The following MB21D2 variants were observed in gnomAD, a reference collection of about 807,000 sequenced individuals.
MB21D2 encodes Mab-21 domain containing 2.
In MB21D2, 9 loss-of-function variants were observed where a neutral mutation model predicts 33.3. That is an observed-to-expected ratio of 0.27 (90% CI 0.16 to 0.47). The LOEUF is 0.47. Among genes scored for constraint, MB21D2 ranks in the 20% least tolerant of loss-of-function variants. The probability of loss-of-function intolerance (pLI) is 0.99; values close to 1 mark genes in which losing one functional copy is unlikely to be tolerated. For synonymous variants in MB21D2, 241 were observed against 236.3 expected (o/e 1.02, Z -0.18); for missense variants, 540 against 624.6 (o/e 0.86, Z 1.44).
intron 1 of MB21D2, among the ~76,000 whole-genome samples, chr3:192,800,739 T>C (rs2108608086): frequency 6.6e-6 from 1 of 152,342 alleles, no homozygotes. Flanking sequence ...AGTTGTGAGC[T>C]GAACTAGCCT....
At chr3:192,800,535 A>T (rs562718387) in intron 1 of MB21D2, among the ~76,000 whole-genome samples, 339 of 152,218 alleles carry the variant, frequency 2.2e-3, no homozygotes, top group South Asian at 4.6e-3. Context: ...ATTTTTTTTT[A>T]AAAAACCCAG....
intron 1 of MB21D2, among the ~76,000 whole-genome samples, chr3:192,904,773 G>C (rs373911003): frequency 6.5e-4 from 99 of 152,346 alleles, no homozygotes; most frequent in African/African-American, 2.3e-3. Flanking sequence ...GATGAGAGGT[G>C]ATCTCCATTT....
chr3:192,839,065 T>G (rs1386356600), intron 1 of MB21D2, among the ~76,000 whole-genome samples: 1 of 152,208 alleles, frequency 6.6e-6, no homozygotes, highest in Admixed American at 6.5e-5. Context: ...TGAAAATTAC[T>G]TATGACTTCA....
intron 1 of MB21D2, among the ~76,000 whole-genome samples, chr3:192,830,183 T>C (rs930921298): frequency 1.3e-5 from 2 of 152,132 alleles, no homozygotes; most frequent in Non-Finnish European, 2.9e-5. Context: ...AAATATATTA[T>C]GAACATAGAG....
intron 1 of MB21D2, among the ~76,000 whole-genome samples, chr3:192,857,635 G>T (rs1465540996): frequency 6.6e-6 from 1 of 151,826 alleles, no homozygotes; most frequent in South Asian, 2.1e-4. Flanking sequence ...CAAAAATTAG[G>T]CTAAAGAGAA....
chr3:192,819,699 A>G (rs1349559620), intron 1 of MB21D2, among the ~76,000 whole-genome samples: 2 of 152,202 alleles, frequency 1.3e-5, no homozygotes, highest in Non-Finnish European at 2.9e-5. Flanking sequence ...AAGATCTTCT[A>G]TGCAGACCAC....
chr3:192,848,558 T>C (rs1712719533), intron 1 of MB21D2, among the ~76,000 whole-genome samples: 1 of 152,206 alleles, frequency 6.6e-6, no homozygotes, highest in Non-Finnish European at 1.5e-5. Flanking sequence ...CAAAGATAAA[T>C]TGGGATTGTA....
chr3:192,832,382 A>G (rs1712333581), intron 1 of MB21D2, among the ~76,000 whole-genome samples: 2 of 152,256 alleles, frequency 1.3e-5, no homozygotes. Context: ...AGGCCAATGC[A>G]AAAAACTTGT....
chr3:192,898,333 G>A (rs1714022456), intron 1 of MB21D2, among the ~76,000 whole-genome samples: 1 of 151,802 alleles, frequency 6.6e-6, no homozygotes, highest in Non-Finnish European at 1.5e-5. Flanking sequence ...GGGACTACAG[G>A]TGTGCATCAC....
Position 192,798,363 on chromosome 3 carries a change from G to GAA in MB21D2, c.*21_*22dup, listed in dbSNP as rs750758341. 1.4e-6 allele frequency: 2 copies of GAA among 1,466,420 alleles called. No individual in the cohort carries two copies. The highest frequency in any genetic ancestry group is 1.8e-5 in the Admixed American group (1 of 55,824). 90.8% of individuals were successfully genotyped at this position (1,466,420 alleles called of 1,614,324 possible). Reference sequence around the variant, plus strand: ...CACATTATCAGAGTTTAAGAATCAGGAAAAAAAAAAGTCAGCTAACACTCA... The same window carrying GAA: ...CACATTATCAGAGTTTAAGAATCAGGAAAAAAAAAAAAGTCAGCTAACACTCA... On this transcript the variant is annotated 3_prime_UTR_variant, in exon 2 of 2. Transcript: ENST00000392452. This position sits in a 1 kb window ranked among gnomAD's most constrained non-coding sequence, Gnocchi z 4.8.
intron 1 of MB21D2, among the ~76,000 whole-genome samples, chr3:192,843,923 G>A (rs568519792): frequency 2.6e-5 from 4 of 152,208 alleles, no homozygotes; most frequent in East Asian, 1.9e-4. Flanking sequence ...CGTATGCTCC[G>A]TTTGTATATG....
At chr3:192,850,217 C>T (rs537367267) in intron 1 of MB21D2, among the ~76,000 whole-genome samples, 19 of 152,198 alleles carry the variant, frequency 1.2e-4, no homozygotes, top group Non-Finnish European at 2.1e-4. Context: ...CGCGCCCGGC[C>T]CATAGAACAA....
chr3:192,914,994 C>T (rs566688925), intron 1 of MB21D2, among the ~76,000 whole-genome samples: 36 of 152,328 alleles, frequency 2.4e-4, no homozygotes, highest in African/African-American at 8.2e-4. Flanking sequence ...AAGAGAGTAA[C>T]ATGCCTCACC....
At chr3:192,850,691 G>A (rs115305023) in intron 1 of MB21D2, among the ~76,000 whole-genome samples, 2 of 152,124 alleles carry the variant, frequency 1.3e-5, no homozygotes, top group Non-Finnish European at 2.9e-5. Flanking sequence ...TGGGAGCCCC[G>A]TCCCGTCTCC....
At chr3:192,801,718 G>A (rs1293985728) in intron 1 of MB21D2, among the ~76,000 whole-genome samples, 7 of 152,188 alleles carry the variant, frequency 4.6e-5, no homozygotes, top group African/African-American at 1.7e-4. Flanking sequence ...TTGACATCCA[G>A]AATGGTGAGA....
intron 1 of MB21D2, among the ~76,000 whole-genome samples, chr3:192,818,992 G>GT (rs11328954): frequency 7.3e-5 from 11 of 150,512 alleles, no homozygotes; most frequent in South Asian, 2.1e-4. Context: ...CAGGAATTGA[G>GT]TTTTTTTTTT....
intron 1 of MB21D2, among the ~76,000 whole-genome samples, chr3:192,869,283 A>AGGGG (rs1553859817): frequency 1.1e-3 from 120 of 113,672 alleles, no homozygotes; most frequent in African/African-American, 4.6e-3. Context: ...GGAAGGAAGG[A>AGGGG]AGGAGGGGAG....
At chr3:192,843,548 G>T (rs1022910734) in intron 1 of MB21D2, among the ~76,000 whole-genome samples, 12 of 152,070 alleles carry the variant, frequency 7.9e-5, no homozygotes, top group African/African-American at 2.9e-4. Context: ...ATGAAAGTTG[G>T]ACATGATAAA....
chr3:192,864,272 G>A (rs1407740354), intron 1 of MB21D2, among the ~76,000 whole-genome samples: 1 of 152,152 alleles, frequency 6.6e-6, no homozygotes, highest in Non-Finnish European at 1.5e-5. Context: ...AGGAGGGAAG[G>A]ACAAGAAATA....
Sources: allele counts gnomAD v4.1 joint callset (sites outside exome capture counted in the v4.1 genomes callset), GRCh38; gene constraint gnomAD v4.1.1; non-coding constraint Gnocchi (gnomAD v3.1); transcripts MANE v1.5; gene names NCBI Gene and HGNC (gene_info 2026-07-23, HGNC 2026-07-21).